CATIP: variants seen among roughly 807,000 people sequenced by gnomAD.
CATIP encodes the protein ciliogenesis-associated TTC17-interacting protein.
CATIP carries 40 observed loss-of-function variants against 42.5 expected under a neutral mutation model. The observed-to-expected ratio is 0.94, with a 90% CI of 0.73 to 1.22. The LOEUF (loss-of-function observed/expected upper bound fraction) is 1.22. Ranked by LOEUF, CATIP falls within the 50% of genes most tolerant of loss-of-function variation. CATIP has a pLI of 0.00. For synonymous variants in CATIP, 222 were observed against 200.2 expected (o/e 1.11, Z -0.92); for missense variants, 489 against 496.0 (o/e 0.99, Z 0.13).
chr2:218,363,890 T>C (rs1375779634), intron 6 of CATIP, among the ~76,000 whole-genome samples: 1 of 152,224 alleles, frequency 6.6e-6, no homozygotes, highest in Admixed American at 6.6e-5. Context: ...TATTCCTTTA[T>C]TATTTCTTAA....
chr2:218,360,073 G>A lies in CATIP; in HGVS notation c.376-500G>A, dbSNP rs545442947. Among the ~76,000 whole-genome samples the A allele has an allele frequency of 2.6e-3, 395 of 151,940 alleles. 1 individual carries two copies. The highest frequency in any genetic ancestry group is 9.0e-3 in the African/African-American group (371 of 41,442). ...ACTCCTGACCTCAAGTGATCTGCCC[G>A]CCTGGGCCTCCCAAAGTGCTGGGAT... On this transcript the variant is annotated intron_variant, in intron 4 of 9. Coordinates refer to ENST00000289388, the MANE Select transcript of CATIP (RefSeq NM_198559.2).
intron 4 of CATIP, among the ~76,000 whole-genome samples, chr2:218,359,228 G>A (rs1695149277): frequency 6.6e-6 from 1 of 151,528 alleles, no homozygotes; most frequent in South Asian, 2.1e-4. Context: ...TGTAATCCCA[G>A]CTACACGGGA....
intron 7 of CATIP, chr2:218,366,681 A>G: frequency 2.9e-6 from 1 of 341,408 alleles, no homozygotes; most frequent in South Asian, 2.3e-5. Context: ...CAAGAGAAAT[A>G]TATTTGCTGG....
chr2:218,359,550 A>G (rs1198882949), intron 4 of CATIP, among the ~76,000 whole-genome samples: 1 of 151,986 alleles, frequency 6.6e-6, no homozygotes, highest in Non-Finnish European at 1.5e-5. Flanking sequence ...GCTCTGGGAA[A>G]GGCCAGCCCA....
chr2:218,364,607 C>T (rs1408549869), intron 6 of CATIP, 21 bp from the exon 7 acceptor site: 1 of 1,612,560 alleles, frequency 6.2e-7, no homozygotes, highest in Non-Finnish European at 8.5e-7. Flanking sequence ...CCTCCCACCC[C>T]CCAATTTTGG....
intron 4 of CATIP, 126 bp downstream of exon 4, chr2:218,358,218 C>T (rs1695106379): frequency 2.6e-6 from 2 of 757,342 alleles, no homozygotes; most frequent in Non-Finnish European, 4.5e-6. Context: ...GAATAGCAAT[C>T]GTGTTATGAT....
intron 4 of CATIP, 134 bp from the exon 5 acceptor site, chr2:218,360,439 T>C (rs4674296): frequency 0.97 from 640,167 of 662,112 alleles, 309,851 homozygotes; most frequent in East Asian, 1. Context: ...CGTGAGCCAC[T>C]GTGCCCGGCC....
chr2:218,357,028 G>A (rs1449867507), intron 1 of CATIP, 67 bp from the exon 2 acceptor site: 1 of 1,565,312 alleles, frequency 6.4e-7, no homozygotes, highest in Non-Finnish European at 8.8e-7. Flanking sequence ...GAGGTACCCT[G>A]CCTTGCCTCC....
chr2:218,359,298 C>T (rs1386446044), intron 4 of CATIP, among the ~76,000 whole-genome samples: 1 of 142,868 alleles, frequency 7.0e-6, no homozygotes, highest in Non-Finnish European at 1.5e-5. Flanking sequence ...GCCAGGATCA[C>T]ACCACTGCAC....
Position 218,357,122 on chromosome 2 carries a change from C to G in CATIP, c.53C>G (p.Ser18Trp). The G allele has an allele frequency of 1.2e-6, 2 of 1,613,850 alleles. No individual in the cohort carries two copies. Among genetic ancestry groups the G allele is most frequent in the Non-Finnish European group, 1.7e-6 (2 of 1,179,876 alleles). ...TGSRAKDHQP[S>W]GPECLPLPEA... ...TCCAGAGCTAAGGACCACCAGCCCT[C>G]GGGTCCGGAGTGTCTGCCACTCCCA... Residue 18 changes from serine (S) to tryptophan (W), a missense_variant, in exon 2 of 10, where the codon TCG (serine) becomes TGG (tryptophan). Transcript: ENST00000289388.
Position 218,368,037 on chromosome 2 carries a change from G to A in CATIP, c.*73G>A, listed in dbSNP as rs563777889. 10 of 1,434,246 alleles carry A rather than the reference G, an allele frequency of 7.0e-6. No homozygotes were observed. The highest frequency in any genetic ancestry group is 9.1e-6 in the Non-Finnish European group (10 of 1,099,868). 88.8% of individuals were successfully genotyped at this position (1,434,246 alleles called of 1,614,324 possible). ...ACGCGGGCGGGACGCGCCGGGGCGG[G>A]TGCGCTTTCCGGGCTGCGGTTTTGG... On this transcript the variant is annotated 3_prime_UTR_variant, in exon 10 of 10. Coordinates refer to ENST00000289388, the MANE Select transcript of CATIP (RefSeq NM_198559.2).
chr2:218,357,129 G>A lies in CATIP; in HGVS notation c.60G>A (p.Pro20=), dbSNP rs757064706. The A allele has an allele frequency of 1.1e-5, 18 of 1,613,760 alleles. No homozygotes were observed. The highest frequency in any genetic ancestry group is 5.3e-5 in the African/African-American group (4 of 74,870). Residue 20 remains proline (P), a synonymous_variant, in exon 2 of 10, where the codon CCG becomes CCA. Transcript: ENST00000289388. ...SRAKDHQPSG[P]ECLPLPEANA... ...CTAAGGACCACCAGCCCTCGGGTCC[G>A]GAGTGTCTGCCACTCCCAGAGGCCA... is the stretch of plus-strand genomic sequence containing the variant.
intron 2 of CATIP, 144 bp downstream of exon 2, chr2:218,357,331 T>C (rs1695061703): frequency 2.9e-6 from 2 of 700,826 alleles, no homozygotes; most frequent in South Asian, 1.9e-5. Flanking sequence ...CTGAGGCCTG[T>C]TTGTTGACAT....
intron 2 of CATIP, 118 bp downstream of exon 2, chr2:218,357,305 G>A: frequency 1.6e-6 from 1 of 623,596 alleles, no homozygotes; most frequent in East Asian, 3.7e-5. Context: ...TGATTCTCCT[G>A]GGACTCAGAA....
At position 218,357,139 on chromosome 2, in the gene CATIP, C is replaced by T. The variant is rs374681001; in HGVS notation, c.70C>T (p.Pro24Ser). The part of the protein sequence containing the change: ...DHQPSGPECL[P>S]LPEANAEAID... ...CCAGCCCTCGGGTCCGGAGTGTCTGCCACTCCCAGAGGCCAATGCTGAAGC... is the reference window on the plus strand; with the variant it reads ...CCAGCCCTCGGGTCCGGAGTGTCTGTCACTCCCAGAGGCCAATGCTGAAGC... Residue 24 changes from proline (P) to serine (S), a missense_variant, in exon 2 of 10, where the codon CCA becomes TCA. Pro to Ser is a moderately conservative substitution (Grantham distance 74). Transcript: ENST00000289388. 1 of 1,613,772 alleles carries T rather than the reference C, an allele frequency of 6.2e-7. No individual in the cohort carries two copies. The highest frequency in any genetic ancestry group is 8.5e-7 in the Non-Finnish European group (1 of 1,179,880).
intron 4 of CATIP, among the ~76,000 whole-genome samples, chr2:218,359,064 C>T (rs1320784674): frequency 5.3e-5 from 8 of 151,730 alleles, no homozygotes; most frequent in East Asian, 1.9e-4. Flanking sequence ...ATTAGCCGGG[C>T]GCAGTGGCTC....
Position 218,357,190 on chromosome 2 carries a change from G to A in CATIP, c.118+3G>A, listed in dbSNP as rs1166409675. On this transcript the variant is annotated splice_donor_region_variant and intron_variant, in intron 2 of 9. Transcript: ENST00000289388. ...CATCGACTTCCTCAGCTCCCTCCGTGAGCTCAGACAGTGTCGGGGTTGGGG... is the reference window on the plus strand; with the variant it reads ...CATCGACTTCCTCAGCTCCCTCCGTAAGCTCAGACAGTGTCGGGGTTGGGG... The A allele has an allele frequency of 1.9e-6, 3 of 1,611,588 alleles. No individual in the cohort carries two copies. The highest frequency in any genetic ancestry group is 2.5e-6 in the Non-Finnish European group (3 of 1,178,448).
rs757538256 is a variant in CATIP at position 218,367,085 on chromosome 2, A to G, written c.817A>G (p.Ile273Val). 37 of 1,613,162 alleles carry G rather than the reference A, an allele frequency of 2.3e-5. No homozygotes were observed. The East Asian group carries it at 7.6e-4, about 33-fold the overall frequency. The change falls in exon 8 of 10, where the codon ATC (isoleucine) becomes GTC (valine). Residue 273 changes from isoleucine to valine, a missense_variant. Ile to Val is a conservative substitution (Grantham distance 29). Transcript: ENST00000289388. ...GTGCTGCATCATCACCAAGATGCCCATCTTGAGGGAAGAGGGTGAGTGAAG... is the reference window on the plus strand; with the variant it reads ...GTGCTGCATCATCACCAAGATGCCCGTCTTGAGGGAAGAGGGTGAGTGAAG... ...PGCCIITKMP[I>V]LREEDEIEPR... is the part of the protein sequence containing the mutation.
intron 6 of CATIP, 42 bp from the exon 7 acceptor site, chr2:218,364,586 C>T: frequency 6.2e-7 from 1 of 1,607,924 alleles, no homozygotes; most frequent in Non-Finnish European, 8.5e-7. Context: ...CCTTGGCGGG[C>T]ATCCACCTTA....
Sources: gnomAD v4.1 joint callset for allele counts (sites outside exome capture counted in the v4.1 genomes callset) on GRCh38, gnomAD v4.1.1 for gene constraint, MANE v1.5 for transcripts, NCBI Gene and HGNC (gene_info 2026-07-23, HGNC 2026-07-21) for gene names.